PRKG1: variants seen among roughly 807,000 people sequenced by gnomAD.
PRKG1 encodes cGMP-dependent protein kinase 1.
PRKG1 carries 35 observed loss-of-function variants against 88.1 expected under a neutral mutation model. The observed-to-expected ratio is 0.40, with a 90% CI of 0.30 to 0.53. The LOEUF (loss-of-function observed/expected upper bound fraction) is 0.53. Ranked by LOEUF, PRKG1 falls within the 20% of genes least tolerant of loss-of-function variation. The pLI is 0.59. For synonymous variants in PRKG1, 303 were observed against 292.5 expected, an observed-to-expected ratio of 1.04 and a Z score of -0.37; for missense variants, 540 against 839.8, an observed-to-expected ratio of 0.64 and a Z score of 4.41.
chr10:51,263,592 C>T (rs1393606398), intron 2 of PRKG1, among the ~76,000 whole-genome samples: 1 of 152,196 alleles, frequency 6.6e-6, no homozygotes, highest in Non-Finnish European at 1.5e-5. Context: ...TAAAACCTTG[C>T]TCTCTTTATG....
chr10:51,583,787 A>G (rs1838103380), intron 3 of PRKG1, among the ~76,000 whole-genome samples: 1 of 152,116 alleles, frequency 6.6e-6, no homozygotes, highest in South Asian at 2.1e-4. Flanking sequence ...TTGCATATAT[A>G]CTATAATGGA....
chr10:51,816,998 G>A (rs1839603506), intron 4 of PRKG1, among the ~76,000 whole-genome samples: 1 of 151,882 alleles, frequency 6.6e-6, no homozygotes, highest in Non-Finnish European at 1.5e-5. Flanking sequence ...AATCTAACAG[G>A]AACACAGCCA....
chr10:51,121,335 A>G (rs1266508972), intron 1 of PRKG1, among the ~76,000 whole-genome samples: 1 of 152,222 alleles, frequency 6.6e-6, no homozygotes, highest in Non-Finnish European at 1.5e-5. Context: ...GTTTAATAGT[A>G]GAAACATGTC....
At chr10:51,236,726 G>C (rs544828275) in intron 2 of PRKG1, among the ~76,000 whole-genome samples, 1 of 151,896 alleles carries the variant, frequency 6.6e-6, no homozygotes, top group African/African-American at 2.4e-5. Flanking sequence ...GGCTGGTCTC[G>C]AACTCCTGAC....
chr10:52,026,933 C>T (rs1326285793), intron 5 of PRKG1, among the ~76,000 whole-genome samples: 2 of 152,012 alleles, frequency 1.3e-5, no homozygotes. Context: ...CGAGATCGCT[C>T]GCCACTGCAC....
intron 5 of PRKG1, among the ~76,000 whole-genome samples, chr10:51,935,362 AGT>A (rs1589434957): frequency 6.6e-6 from 1 of 152,090 alleles, no homozygotes; most frequent in East Asian, 1.9e-4. Context: ...TCTGGAGATA[AGT>A]GCTCCTTATG....
chr10:51,423,002 C>T (rs1838461682), intron 2 of PRKG1, among the ~76,000 whole-genome samples: 1 of 151,144 alleles, frequency 6.6e-6, no homozygotes, highest in Admixed American at 6.6e-5. Context: ...GAAGCTAACC[C>T]TAAAAACACC....
Position 51,938,871 on chromosome 10 carries a change from T to C in PRKG1, c.762+31301T>C, listed in dbSNP as rs572346136. On this transcript the variant is annotated intron_variant, in intron 5 of 17. Coordinates refer to ENST00000373980, the MANE Select transcript of PRKG1 (RefSeq NM_006258.4). Reference sequence around the variant, plus strand: ...ATATCATTGTATGTACTTCAGAAAGTTTTTGCAAGCTTCTGGAAAGATTAA... The same window carrying C: ...ATATCATTGTATGTACTTCAGAAAGCTTTTGCAAGCTTCTGGAAAGATTAA... Among the ~76,000 whole-genome samples the C allele has an allele frequency of 5.3e-5, 8 of 152,118 alleles. No homozygotes were observed. In the South Asian group the frequency reaches 1.7e-3, roughly 32 times the overall value.
chr10:51,122,406 CTT>C (rs1845280964), intron 1 of PRKG1, among the ~76,000 whole-genome samples: 1 of 152,158 alleles, frequency 6.6e-6, no homozygotes, highest in Admixed American at 6.5e-5. Context: ...CTAGTCCTAA[CTT>C]TTCCAGATAA....
At chr10:52,079,938 C>T (rs1846728375) in intron 7 of PRKG1, among the ~76,000 whole-genome samples, 2 of 152,118 alleles carry the variant, frequency 1.3e-5, no homozygotes, top group South Asian at 4.1e-4. Context: ...GCAGGCTGTC[C>T]CATGATAGGT....
intron 3 of PRKG1, among the ~76,000 whole-genome samples, chr10:51,766,598 G>C (rs925685716): frequency 3.9e-5 from 6 of 152,010 alleles, no homozygotes; most frequent in Non-Finnish European, 7.4e-5. Flanking sequence ...CTGCCTGACA[G>C]GTTTCTTCCT....
At position 52,218,827 on chromosome 10, in the gene PRKG1, G is replaced by A. The variant is rs924953844; in HGVS notation, c.1077-32743G>A. On this transcript the variant is annotated intron_variant, in intron 9 of 17. Transcript: ENST00000373980. ...GGGCCTCCCATGAAATGAAATTAGT[G>A]TTTATGAGTCTTATCTTCATTAATT... Among the ~76,000 whole-genome samples, 10 of 152,184 alleles carry A rather than the reference G, an allele frequency of 6.6e-5. No homozygotes were observed. In the South Asian group the frequency reaches 8.3e-4, roughly 13 times the overall value.
chr10:51,057,132 G>A (rs952041715), intron 1 of PRKG1, among the ~76,000 whole-genome samples: 31 of 152,272 alleles, frequency 2.0e-4, no homozygotes, highest in African/African-American at 6.7e-4. Context: ...CATCATGTGC[G>A]TATGCACACA....
intron 5 of PRKG1, among the ~76,000 whole-genome samples, chr10:51,971,563 A>G (rs114848000): frequency 0.016 from 2,459 of 152,166 alleles, 55 homozygotes; most frequent in Middle Eastern, 0.054. Flanking sequence ...AAAAGAATAA[A>G]TGTTAAGAGT....
At chr10:51,153,702 A>T (rs1016221399) in intron 2 of PRKG1, among the ~76,000 whole-genome samples, 5 of 151,814 alleles carry the variant, frequency 3.3e-5, no homozygotes, top group African/African-American at 9.7e-5. Flanking sequence ...AGCATCTTCA[A>T]CTCTCCCCTT....
chr10:51,510,783 G>A (rs1047478030), intron 3 of PRKG1, among the ~76,000 whole-genome samples: 19 of 143,822 alleles, frequency 1.3e-4, no homozygotes, highest in African/African-American at 4.4e-4. Flanking sequence ...TTGCTGTGTC[G>A]CCCAAGCTGG....
rs370327182 is a variant in PRKG1, at chr10:51,033,874, AGT to A, written c.266+42231_266+42232del. Among the ~76,000 whole-genome samples, 264 of 152,266 alleles carry A rather than the reference AGT, an allele frequency of 1.7e-3. 2 individuals are homozygous for A. The highest frequency in any genetic ancestry group is 5.7e-3 in the African/African-American group (238 of 41,572). ...TCCTGCAGTGTTTGCTCTTATTTCA[AGT>A]TTGTTCATTTGTTTTTATGCCTCTC... On this transcript the variant is annotated intron_variant, in intron 1 of 17. Transcript: ENST00000401604.
At chr10:51,203,978 C>T (rs1411963133) in intron 2 of PRKG1, among the ~76,000 whole-genome samples, 3 of 152,080 alleles carry the variant, frequency 2.0e-5, no homozygotes, top group African/African-American at 4.8e-5. Flanking sequence ...ACTTCATTCT[C>T]CTTTGGCCTT....
intron 2 of PRKG1, among the ~76,000 whole-genome samples, chr10:51,316,510 C>T (rs973889515): frequency 2.0e-5 from 3 of 151,906 alleles, no homozygotes; most frequent in African/African-American, 7.3e-5. Context: ...GGTAAAACAC[C>T]ATCTCTACTA....
Sources: allele counts gnomAD v4.1 joint callset (sites outside exome capture counted in the v4.1 genomes callset), GRCh38; gene constraint gnomAD v4.1.1; transcripts MANE v1.5; gene names NCBI Gene and HGNC (gene_info 2026-07-23, HGNC 2026-07-21).